The following UBE3C variants were observed in gnomAD, a reference collection of about 807,000 sequenced individuals.
UBE3C encodes ubiquitin-protein ligase E3C.
In UBE3C, 42 loss-of-function variants were observed where a neutral mutation model predicts 129.4. That is an observed-to-expected ratio of 0.32 (90% CI 0.25 to 0.42). The LOEUF is 0.42. Among genes scored for constraint, UBE3C ranks in the 10% least tolerant of loss-of-function variants. The probability of loss-of-function intolerance (pLI) is 1.00; values close to 1 mark genes in which losing one functional copy is unlikely to be tolerated. For missense variants in UBE3C, 1,049 were observed against 1,319.1 expected (o/e 0.80, Z 3.17); for synonymous variants, 510 against 492.4 (o/e 1.04, Z -0.47).
intron 1 of UBE3C, among the ~76,000 whole-genome samples, chr7:157,146,343 G>T (rs950966753): frequency 2.6e-5 from 4 of 151,712 alleles, no homozygotes; most frequent in South Asian, 4.2e-4. Context: ...GCAGTTCTCC[G>T]GCCTCAGCCT....
At chr7:157,139,418 C>A in intron 1 of UBE3C, 80 bp downstream of exon 1, 1 of 1,333,480 alleles carries the variant, frequency 7.5e-7, no homozygotes, top group Non-Finnish European at 9.7e-7. Flanking sequence ...GGGCTGGACT[C>A]GGGGCTGGAC....
Position 157,244,199 on chromosome 7 carries a change from G to A in UBE3C, c.2482-4169G>A, listed in dbSNP as rs746668252. ...GAGCTGAGATCGTGCCATTCATTGCGCTCCAGCCTGGGCGATAGAGTGAAA... is the reference window on the plus strand; with the variant it reads ...GAGCTGAGATCGTGCCATTCATTGCACTCCAGCCTGGGCGATAGAGTGAAA... On this transcript the variant is annotated intron_variant, in intron 18 of 22. Transcript: ENST00000348165. 1.2e-4 allele frequency among the ~76,000 whole-genome samples: 18 copies of A among 152,130 alleles called. 1 individual carries two copies. The South Asian group carries it at 1.9e-3, about 16-fold the overall frequency.
chr7:157,166,400 T>A, intron 2 of UBE3C, among the ~76,000 whole-genome samples: 2 of 152,356 alleles, frequency 1.3e-5, no homozygotes, highest in South Asian at 4.1e-4. Context: ...TTTTCTGACT[T>A]CTTTGTATTT....
At chr7:157,184,116 T>TA (rs1808745615) in intron 9 of UBE3C, 87 bp downstream of exon 9, 5 of 1,538,528 alleles carry the variant, frequency 3.2e-6, no homozygotes, top group Non-Finnish European at 4.4e-6. Flanking sequence ...TAGTTTCAGT[T>TA]ACACAAGTCA....
Position 157,207,790 on chromosome 7 carries a change from G to A in UBE3C, c.1664G>A (p.Gly555Glu). 6.2e-7 allele frequency: 1 copy of A among 1,614,000 alleles called. No homozygotes were observed. Residue 555 changes from glycine to glutamate, a missense_variant, in exon 13 of 23, where the codon GGG (glycine) becomes GAG (glutamate). Coordinates refer to ENST00000348165, the MANE Select transcript of UBE3C (RefSeq NM_014671.3). ...CGATGCCTTCGAGATGCATGCCTGG[G>A]GATCATCAAGTTGGCTTATCCAGAA... Reference protein sequence around the residue: ...LSRCLRDACLGIIKLAYPETK... With the variant: ...LSRCLRDACLEIIKLAYPETK...
At chr7:157,222,912 C>T in intron 15 of UBE3C, 2 of 230,832 alleles carry the variant, frequency 8.7e-6, no homozygotes, top group South Asian at 6.5e-5. Flanking sequence ...TCGGGGGTGG[C>T]CAGGGCACCG....
intron 18 of UBE3C, among the ~76,000 whole-genome samples, chr7:157,238,924 T>G (rs925225059): frequency 1.3e-5 from 2 of 151,860 alleles, no homozygotes; most frequent in African/African-American, 4.8e-5. Flanking sequence ...AAGAGAAAGG[T>G]GGGTATTGTG....
intron 18 of UBE3C, among the ~76,000 whole-genome samples, chr7:157,235,459 A>G (rs1796130468): frequency 6.6e-6 from 1 of 152,222 alleles, no homozygotes; most frequent in African/African-American, 2.4e-5. Flanking sequence ...GTCTTGATTA[A>G]TGTAGAAGCT....
chr7:157,246,329 A>C (rs1044357896), intron 18 of UBE3C, among the ~76,000 whole-genome samples: 3 of 152,226 alleles, frequency 2.0e-5, no homozygotes, highest in African/African-American at 7.2e-5. Flanking sequence ...CTCACAGTTG[A>C]AACGTTTCTC....
intron 21 of UBE3C, among the ~76,000 whole-genome samples, chr7:157,255,068 C>T (rs1329163976): frequency 6.6e-5 from 10 of 151,924 alleles, no homozygotes; most frequent in East Asian, 5.8e-4. Flanking sequence ...CTCAGTGAGC[C>T]GAGATCATGC....
intron 1 of UBE3C, among the ~76,000 whole-genome samples, chr7:157,151,917 T>C (rs1807766550): frequency 6.6e-6 from 1 of 152,148 alleles, no homozygotes; most frequent in Admixed American, 6.6e-5. Flanking sequence ...TGAGAACTCT[T>C]CTGCACAGCC....
intron 22 of UBE3C, among the ~76,000 whole-genome samples, chr7:157,260,817 G>A (rs1382769191): frequency 2.6e-5 from 4 of 152,098 alleles, no homozygotes; most frequent in East Asian, 1.9e-4. Flanking sequence ...ATAAAAATTC[G>A]AAGTCCTGCC....
intron 1 of UBE3C, among the ~76,000 whole-genome samples, chr7:157,159,168 G>GTCACA (rs1807998118): frequency 6.6e-6 from 1 of 152,186 alleles, no homozygotes; most frequent in Non-Finnish European, 1.5e-5. Context: ...CAAGAAGAGT[G>GTCACA]TCACATCTTT....
chr7:157,258,302 T>G (rs1475025779), intron 22 of UBE3C, among the ~76,000 whole-genome samples: 1 of 152,158 alleles, frequency 6.6e-6, no homozygotes, highest in African/African-American at 2.4e-5. Flanking sequence ...TGCACACTCA[T>G]GTAGTCCCAG....
chr7:157,229,103 C>A (rs1478307744), intron 17 of UBE3C, among the ~76,000 whole-genome samples: 1 of 152,156 alleles, frequency 6.6e-6, no homozygotes, highest in African/African-American at 2.4e-5. Flanking sequence ...ACACTACGTG[C>A]GGTTGCTTTC....
intron 3 of UBE3C, 150 bp from the exon 4 acceptor site, chr7:157,170,154 C>G: frequency 2.0e-4 from 59 of 293,368 alleles, no homozygotes; most frequent in East Asian, 5.6e-4. Context: ...CATTTTTTTT[C>G]TACAATTCAA....
At chr7:157,247,409 T>A (rs1160670635) in intron 18 of UBE3C, among the ~76,000 whole-genome samples, 1 of 152,186 alleles carries the variant, frequency 6.6e-6, no homozygotes, top group Non-Finnish European at 1.5e-5. Context: ...AGAAAACTTT[T>A]GGCCGGGCAG....
rs939341613 is a variant in UBE3C at position 157,210,790 on chromosome 7, C to T, written c.1809+2855C>T. Among the ~76,000 whole-genome samples the T allele has an allele frequency of 7.2e-5, 11 of 152,238 alleles. No individual in the cohort carries two copies. The East Asian group carries it at 1.2e-3, about 16-fold the overall frequency. On this transcript the variant is annotated intron_variant, in intron 13 of 22. Coordinates refer to ENST00000348165, the MANE Select transcript of UBE3C (RefSeq NM_014671.3). ...CGATGAGACCTGACTCCTTCAACAC[C>T]GACCATTTTCATTTTTCAGTCCTAT...
At chr7:157,163,287 T>C (rs930432606) in intron 1 of UBE3C, among the ~76,000 whole-genome samples, 224 of 149,936 alleles carry the variant, frequency 1.5e-3, no homozygotes, top group Middle Eastern at 6.9e-3. Context: ...CTTGGGAGGC[T>C]GAGGCAGGAG....
Sources: gnomAD v4.1 joint callset for allele counts (sites outside exome capture counted in the v4.1 genomes callset) on GRCh38, gnomAD v4.1.1 for gene constraint, MANE v1.5 for transcripts, NCBI Gene and HGNC (gene_info 2026-07-23, HGNC 2026-07-21) for gene names.